Variants in DOCK7 observed in about 807,000 individuals in gnomAD.
The protein encoded by DOCK7 is dedicator of cytokinesis 7.
A neutral mutation model predicts 271.0 loss-of-function variants in DOCK7; 138 were observed. That is an observed-to-expected ratio of 0.51 (90% confidence interval 0.44 to 0.59). The LOEUF (loss-of-function observed/expected upper bound fraction) is 0.59. DOCK7 is among the 20% of genes least tolerant of loss of function. DOCK7 has a pLI of 0.00. For synonymous variants in DOCK7, 823 were observed against 876.1 expected, an observed-to-expected ratio of 0.94 and a Z score of 1.07; for missense variants, 2,066 against 2,592.4, an observed-to-expected ratio of 0.80 and a Z score of 4.41.
intron 2 of DOCK7, among the ~76,000 whole-genome samples, chr1:62,656,441 T>TA (rs1658024283): frequency 6.6e-6 from 1 of 152,178 alleles, no homozygotes; most frequent in Non-Finnish European, 1.5e-5. Flanking sequence ...AGAAGTCCTG[T>TA]ATCTCAATAA....
Position 62,648,253 on chromosome 1 carries a change from G to C in DOCK7, c.585C>G (p.Ile195Met). Residue 195 changes from isoleucine (I) to methionine (M), a missense_variant, in exon 6 of 50, where the codon ATC (isoleucine) becomes ATG (methionine). Physicochemically the swap from Ile to Met is conservative, Grantham distance 10. Coordinates refer to ENST00000635253, the MANE Select transcript of DOCK7 (RefSeq NM_001367561.1). The part of the protein sequence containing the change: ...DTPRGSWACS[I>M]FDLKNSLPDA... Reference sequence around the variant, plus strand: ...CAGGAAGTGAATTTTTCAAGTCAAAGATACTACAGGCCCAGCTACCCCTTG... The same window carrying C: ...CAGGAAGTGAATTTTTCAAGTCAAACATACTACAGGCCCAGCTACCCCTTG... The C allele has an allele frequency of 1.2e-6, 2 of 1,613,568 alleles. No homozygotes were observed. The highest frequency in any genetic ancestry group is 1.7e-6 in the Non-Finnish European group (2 of 1,179,688).
intron 1 of DOCK7, among the ~76,000 whole-genome samples, chr1:62,676,734 GT>G (rs777947440): frequency 8.5e-5 from 13 of 152,184 alleles, no homozygotes; most frequent in Non-Finnish European, 1.8e-4. Context: ...TTATTAAATG[GT>G]TGATATGAAT....
chr1:62,544,377 T>C (rs2149403029), intron 23 of DOCK7, among the ~76,000 whole-genome samples: 1 of 152,288 alleles, frequency 6.6e-6, no homozygotes, highest in African/African-American at 2.4e-5. Context: ...TCAGCTAAGG[T>C]ATAACAAATT....
intron 12 of DOCK7, among the ~76,000 whole-genome samples, chr1:62,621,335 T>C (rs1322045101): frequency 6.6e-6 from 1 of 152,232 alleles, no homozygotes; most frequent in Non-Finnish European, 1.5e-5. Context: ...AACACAAATG[T>C]TCAATTTAAT....
rs780271142 is a variant in DOCK7, at chr1:62,653,943, A to G, written c.320+41T>C. On this transcript the variant is annotated intron_variant, in intron 3 of 49. Coordinates refer to ENST00000635253, the MANE Select transcript of DOCK7 (RefSeq NM_001367561.1). ...TAAAATAATGGAAGGTAGCCTTTCT[A>G]TAGTTCCTCTAAAGCCAAAAATAAG... 3.8e-6 allele frequency: 6 copies of G among 1,590,438 alleles called. No homozygotes were observed. The African/African-American group carries it at 8.1e-5, about 22-fold the overall frequency.
chr1:62,502,655 A>C (rs990857729), intron 37 of DOCK7, among the ~76,000 whole-genome samples: 9 of 152,184 alleles, frequency 5.9e-5, no homozygotes, highest in Non-Finnish European at 8.8e-5. Flanking sequence ...ATAACTATAA[A>C]GGCAACCATT....
intron 12 of DOCK7, among the ~76,000 whole-genome samples, chr1:62,622,231 T>C (rs1487927789): frequency 2.6e-5 from 4 of 152,222 alleles, no homozygotes; most frequent in Non-Finnish European, 5.9e-5. Flanking sequence ...CTATATTAGC[T>C]GATCTCAGCC....
chr1:62,670,769 G>A (rs1394310224), intron 1 of DOCK7, among the ~76,000 whole-genome samples: 2 of 152,122 alleles, frequency 1.3e-5, no homozygotes, highest in African/African-American at 2.4e-5. Context: ...CAGGCCACTC[G>A]ACTCTACCAA....
chr1:62,486,684 C>T (rs907573948), intron 43 of DOCK7: 11 of 151,998 alleles, frequency 7.2e-5, no homozygotes, highest in Admixed American at 4.6e-4. Flanking sequence ...TGTCAGAATA[C>T]GAGGTCAAAT....
At chr1:62,647,811 C>T (rs757328378) in intron 6 of DOCK7, 35 bp from the exon 7 acceptor site, 1 of 1,392,140 alleles carries the variant, frequency 7.2e-7, no homozygotes, top group East Asian at 2.3e-5. Context: ...AATGAATATG[C>T]TTATCATATT....
In DOCK7 at chr1:62,602,183, C is replaced by T. The variant is rs549019495; in HGVS notation, c.1683-15559G>A. ...GTATTGCCATAACATTAATAAACTA[C>T]CTTACAAAACCACCAATTAAAATCA... is the stretch of plus-strand genomic sequence containing the variant. On this transcript the variant is annotated intron_variant, in intron 14 of 49. Coordinates refer to ENST00000635253, the MANE Select transcript of DOCK7 (RefSeq NM_001367561.1). 1.1e-4 allele frequency: 103 copies of T among 939,372 alleles called. No homozygotes were observed. The East Asian group carries it at 1.8e-3, about 17-fold the overall frequency. 58.2% of individuals were successfully genotyped at this position (939,372 alleles called of 1,614,324 possible).
chr1:62,601,719 A>G (rs377002243), intron 14 of DOCK7: 13 of 1,268,286 alleles, frequency 1.0e-5, no homozygotes, highest in Non-Finnish European at 1.5e-5. Flanking sequence ...AGCTCCAAAG[A>G]TATTATTCCT....
intron 7 of DOCK7, among the ~76,000 whole-genome samples, chr1:62,638,617 A>G (rs1292311968): frequency 6.8e-6 from 1 of 147,226 alleles, no homozygotes; most frequent in Admixed American, 6.8e-5. Context: ...TTTTTCATGA[A>G]TATATATTTT....
intron 25 of DOCK7, 34 bp from the exon 26 acceptor site, chr1:62,539,926 G>A (rs1269757364): frequency 2.1e-6 from 3 of 1,444,312 alleles, no homozygotes; most frequent in African/African-American, 1.4e-5. Context: ...AATTTCCTAT[G>A]AATATATTTA....
chr1:62,538,210 G>C, intron 27 of DOCK7, 149 bp from the exon 28 acceptor site: 1 of 708,332 alleles, frequency 1.4e-6, no homozygotes, highest in South Asian at 3.4e-5. Flanking sequence ...CCTTTTTCCA[G>C]AGTTACTGCT....
intron 14 of DOCK7, among the ~76,000 whole-genome samples, chr1:62,594,701 A>G (rs1025280677): frequency 6.6e-6 from 1 of 152,132 alleles, no homozygotes; most frequent in African/African-American, 2.4e-5. Flanking sequence ...TCATTCTCTT[A>G]TTCAATAAAT....
intron 22 of DOCK7, among the ~76,000 whole-genome samples, chr1:62,548,423 C>CTTTTT (rs34750610): frequency 7.2e-6 from 1 of 139,106 alleles, no homozygotes; most frequent in Non-Finnish European, 1.5e-5. Context: ...TGTCTTAAGT[C>CTTTTT]TTTTTTTTTT....
At chr1:62,683,790 C>T (rs901652344) in intron 1 of DOCK7, among the ~76,000 whole-genome samples, 1 of 151,708 alleles carries the variant, frequency 6.6e-6, no homozygotes, top group African/African-American at 2.4e-5. Flanking sequence ...CAAAAATTAG[C>T]CAGGCACAGT....
chr1:62,630,432 C>T (rs746969365), intron 11 of DOCK7, among the ~76,000 whole-genome samples: 58 of 152,240 alleles, frequency 3.8e-4, no homozygotes, highest in Middle Eastern at 3.4e-3. Flanking sequence ...TGATGTTATA[C>T]TTACCAAAGT....
Sources: gnomAD v4.1 joint callset for allele counts (sites outside exome capture counted in the v4.1 genomes callset) on GRCh38, gnomAD v4.1.1 for gene constraint, MANE v1.5 for transcripts, NCBI Gene and HGNC (gene_info 2026-07-23, HGNC 2026-07-21) for gene names.